MAP3K4: variants seen among roughly 807,000 people sequenced by gnomAD.
The protein encoded by MAP3K4 is MAP three kinase 1.
A neutral mutation model predicts 185.6 loss-of-function variants in MAP3K4; 67 were observed. That is an observed-to-expected ratio of 0.36 (90% CI 0.30 to 0.44). The LOEUF (loss-of-function observed/expected upper bound fraction) is 0.44. MAP3K4 is among the 20% of genes least tolerant of loss of function. MAP3K4 has a pLI of 1.00. For synonymous variants in MAP3K4, 702 were observed against 710.4 expected (o/e 0.99, Z 0.19); for missense variants, 1,551 against 1,995.1 (o/e 0.78, Z 4.24).
At chr6:161,083,244 T>A (rs937333656) in intron 6 of MAP3K4, among the ~76,000 whole-genome samples, 1 of 152,220 alleles carries the variant, frequency 6.6e-6, no homozygotes, top group South Asian at 2.1e-4. Flanking sequence ...ACTCCTTAGC[T>A]TTTTTCTCTG....
chr6:161,019,746 C>T (rs529730990), intron 1 of MAP3K4, among the ~76,000 whole-genome samples: 3 of 152,158 alleles, frequency 2.0e-5, no homozygotes, highest in African/African-American at 7.2e-5. Flanking sequence ...TGTGTTTAGT[C>T]GTAACCTTGA....
At chr6:161,006,848 G>A (rs1198326566) in intron 1 of MAP3K4, among the ~76,000 whole-genome samples, 7 of 151,902 alleles carry the variant, frequency 4.6e-5, no homozygotes, top group African/African-American at 9.7e-5. Context: ...CTCCAGTCCC[G>A]AGATCTGCTT....
Position 161,097,305 on chromosome 6 carries a change from T to C in MAP3K4, c.3524+129T>C. 4.4e-6 allele frequency: 3 copies of C among 688,146 alleles called. No individual in the cohort carries two copies. The highest frequency in any genetic ancestry group is 1.8e-5 in the African/African-American group (1 of 56,120). The allele number at this position is 688,146 out of a possible 1,614,324, so 42.6% of individuals were successfully genotyped here. A position where few individuals can be genotyped will look rare whatever the true frequency, so the allele number is the denominator to read the frequency against. On this transcript the variant is annotated intron_variant, in intron 16 of 26. Transcript: ENST00000392142. This position sits in a 1 kb window ranked among gnomAD's most constrained non-coding sequence, Gnocchi z 4.9. ...TTCTGCATTGTTCGTACGTAAAAGC[T>C]CTTACTTGCATTATCTTGAAACCTT... is the stretch of plus-strand genomic sequence containing the variant.
Position 161,093,886 on chromosome 6 carries a change from A to G in MAP3K4, c.3427+35A>G. On this transcript the variant is annotated intron_variant, in intron 15 of 26. Transcript: ENST00000392142. The surrounding 1 kb of genome is among the most constrained non-coding windows in gnomAD (Gnocchi z 5.2). ...CCGTTAACAGCATTTCTTCTGGAAC[A>G]TAATGATTTGAGTGGACAGATCCTC... The G allele has an allele frequency of 4.1e-6, 6 of 1,479,790 alleles. No homozygotes were observed. The highest frequency in any genetic ancestry group is 5.6e-6 in the Non-Finnish European group (6 of 1,062,130). 91.7% of individuals were successfully genotyped at this position (1,479,790 alleles called of 1,614,324 possible).
In MAP3K4 at chr6:161,051,092, G is replaced by A. The variant is rs995785377; in HGVS notation, c.1707+1113G>A. ...GGTTGTTAATACTGTATAGTTTGGGGAATAATGGCAAGAAAAAAGTTTGTA... is the reference window on the plus strand; with the variant it reads ...GGTTGTTAATACTGTATAGTTTGGGAAATAATGGCAAGAAAAAAGTTTGTA... On this transcript the variant is annotated intron_variant, in intron 3 of 26. Coordinates refer to ENST00000392142, the MANE Select transcript of MAP3K4 (RefSeq NM_005922.4). This position sits in a 1 kb window ranked among gnomAD's most constrained non-coding sequence, Gnocchi z 4.2. 6.6e-6 allele frequency among the ~76,000 whole-genome samples: 1 copy of A among 152,190 alleles called. No homozygotes were observed. Among genetic ancestry groups the A allele is most frequent in the Non-Finnish European group, 1.5e-5 (1 of 68,042 alleles).
In MAP3K4 at chr6:161,043,294, C is replaced by T. The variant is rs1783571616; in HGVS notation, c.344-5322C>T. Among the ~76,000 whole-genome samples the T allele has an allele frequency of 6.6e-6, 1 of 152,190 alleles. No individual in the cohort carries two copies. The highest frequency in any genetic ancestry group is 2.1e-4 in the South Asian group (1 of 4,826). On this transcript the variant is annotated intron_variant, in intron 2 of 26. Coordinates refer to ENST00000392142, the MANE Select transcript of MAP3K4 (RefSeq NM_005922.4). This position sits in a 1 kb window ranked among gnomAD's most constrained non-coding sequence, Gnocchi z 4.3. ...TTGCTGCCCTTGTGTCTCTTCTTTG[C>T]TGGCTTCAGATATGCTCTTGCCTTC...
intron 23 of MAP3K4, among the ~76,000 whole-genome samples, chr6:161,111,460 G>A (rs530398752): frequency 6.6e-6 from 1 of 152,202 alleles, no homozygotes; most frequent in Non-Finnish European, 1.5e-5. Flanking sequence ...TCTACATGTC[G>A]CTTCCTGTTT....
Position 161,097,816 on chromosome 6 carries a change from G to A in MAP3K4, c.3525-462G>A, listed in dbSNP as rs1315464317. On this transcript the variant is annotated intron_variant, in intron 16 of 26. Transcript: ENST00000392142. The surrounding 1 kb of genome is among the most constrained non-coding windows in gnomAD (Gnocchi z 4.9). ...TAAAGCTTTGAGGGGACCGGGGTGC[G>A]GTGACTCACGCCTGTAATTCCAGCA... 6.6e-6 allele frequency among the ~76,000 whole-genome samples: 1 copy of A among 151,782 alleles called. No homozygotes were observed. Among genetic ancestry groups the A allele is most frequent in the East Asian group, 1.9e-4 (1 of 5,166 alleles).
At chr6:161,035,003 G>A (rs1783098507) in intron 2 of MAP3K4, among the ~76,000 whole-genome samples, 1 of 152,136 alleles carries the variant, frequency 6.6e-6, no homozygotes. Flanking sequence ...GGATCGTAAA[G>A]TCCACATATT....
Position 161,117,164 on chromosome 6 carries a change from C to A in MAP3K4, c.*294C>A, listed in dbSNP as rs536268890. On this transcript the variant is annotated 3_prime_UTR_variant, in exon 27 of 27. Coordinates refer to ENST00000392142, the MANE Select transcript of MAP3K4 (RefSeq NM_005922.4). ...CTCGCGCGACTGAGAACCGTGACAT[C>A]AGCGTAGTGTTTTGACCTTTCTAGG... 2.5e-4 allele frequency: 99 copies of A among 390,582 alleles called. No individual in the cohort carries two copies. The highest frequency in any genetic ancestry group is 4.3e-4 in the Non-Finnish European group (93 of 216,942). The allele number at this position is 390,582 out of a possible 1,614,324, so 24.2% of individuals were successfully genotyped here.
rs1383406647 is a variant in MAP3K4, at chr6:161,007,731, A to G, written c.152+15648A>G. 6.6e-6 allele frequency among the ~76,000 whole-genome samples: 1 copy of G among 152,208 alleles called. No individual in the cohort carries two copies. Among genetic ancestry groups the G allele is most frequent in the Non-Finnish European group, 1.5e-5 (1 of 68,032 alleles). ...CTGCTCTTTAATAGGCTTTGTTTCT[A>G]GTAAGGTCATGCTTATTTAACTTAT... On this transcript the variant is annotated intron_variant, in intron 1 of 26. Transcript: ENST00000392142. The surrounding 1 kb of genome is among the most constrained non-coding windows in gnomAD (Gnocchi z 4.5).
chr6:161,092,628 G>A (rs1242186132), intron 13 of MAP3K4, among the ~76,000 whole-genome samples: 1 of 152,142 alleles, frequency 6.6e-6, no homozygotes, highest in Non-Finnish European at 1.5e-5. Flanking sequence ...ATTTCTCCAA[G>A]TTAGAGAAAA....
In MAP3K4 at chr6:161,049,118, C is replaced by T; in HGVS notation, c.846C>T (p.Phe282=). The T allele has an allele frequency of 6.2e-7, 1 of 1,614,126 alleles. No homozygotes were observed. The highest frequency in any genetic ancestry group is 1.7e-5 in the Admixed American group (1 of 60,020). The change falls in exon 3 of 27, where the codon TTC becomes TTT. Residue 282 remains phenylalanine (F), a synonymous_variant. Coordinates refer to ENST00000392142, the MANE Select transcript of MAP3K4 (RefSeq NM_005922.4). This position sits in a 1 kb window ranked among gnomAD's most constrained non-coding sequence, Gnocchi z 8.4. ...GACGGACAATTAACGACCAGGACTT[C>T]TTTTTATATACAGCCCGTCAAGCCA... ...HAGRTINDQD[F]FLYTARQAIP... is the part of the protein sequence containing the mutation.
At chr6:161,013,659 A>G (rs1349341318) in intron 1 of MAP3K4, among the ~76,000 whole-genome samples, 1 of 152,226 alleles carries the variant, frequency 6.6e-6, no homozygotes, top group Non-Finnish European at 1.5e-5. Context: ...TGAAGAGGCA[A>G]CGTTACATCT....
Position 161,073,724 on chromosome 6 carries a change from C to A in MAP3K4, c.2097+112C>A. On this transcript the variant is annotated intron_variant, in intron 5 of 26. Transcript: ENST00000392142. The surrounding 1 kb of genome is among the most constrained non-coding windows in gnomAD (Gnocchi z 4.2). The stretch of plus-strand genomic sequence containing the variant: ...GCGTTGGCATACATATTCAGATAAA[C>A]TTCTCTAGTAATGAATTATAGAAAT... 1 of 1,079,078 alleles carries A rather than the reference C, an allele frequency of 9.3e-7. No individual in the cohort carries two copies. Among genetic ancestry groups the A allele is most frequent in the Non-Finnish European group, 1.3e-6 (1 of 767,528 alleles). 66.8% of individuals were successfully genotyped at this position (1,079,078 alleles called of 1,614,324 possible).
intron 3 of MAP3K4, 39 bp downstream of exon 3, chr6:161,050,018 G>T: frequency 6.6e-7 from 1 of 1,513,432 alleles, no homozygotes; most frequent in Non-Finnish European, 8.9e-7. Context: ...GATATCCTTA[G>T]TTCCATTTAT....
Position 161,097,055 on chromosome 6 carries a change from C to T in MAP3K4, c.3428-25C>T. Reference sequence around the variant, plus strand: ...TTCTGTGGACCATATTAACAAGTTGCATTTGTTGCCATTTTTGCTGGCAGC... The same window carrying T: ...TTCTGTGGACCATATTAACAAGTTGTATTTGTTGCCATTTTTGCTGGCAGC... On this transcript the variant is annotated intron_variant, in intron 15 of 26. Coordinates refer to ENST00000392142, the MANE Select transcript of MAP3K4 (RefSeq NM_005922.4). The surrounding 1 kb of genome is among the most constrained non-coding windows in gnomAD (Gnocchi z 4.9). The T allele has an allele frequency of 6.3e-7, 1 of 1,590,848 alleles. No individual in the cohort carries two copies. The highest frequency in any genetic ancestry group is 8.6e-7 in the Non-Finnish European group (1 of 1,159,018).
At chr6:161,032,190 A>G (rs1210798755) in intron 1 of MAP3K4, among the ~76,000 whole-genome samples, 1 of 152,200 alleles carries the variant, frequency 6.6e-6, no homozygotes, top group Admixed American at 6.5e-5. Flanking sequence ...CAGAAACCTT[A>G]TAATATTGAG....
rs992774873 is a variant in MAP3K4, at chr6:161,100,633, C to T, written c.3675-1259C>T. ...CCCGACATCCCCCACCAGAGCTAGT[C>T]GTTCAACATTCCCCAATATGCCACT... On this transcript the variant is annotated intron_variant, in intron 17 of 26. Coordinates refer to ENST00000392142, the MANE Select transcript of MAP3K4 (RefSeq NM_005922.4). The surrounding 1 kb of genome is among the most constrained non-coding windows in gnomAD (Gnocchi z 5.8). 3.3e-5 allele frequency among the ~76,000 whole-genome samples: 5 copies of T among 152,116 alleles called. No homozygotes were observed. Among genetic ancestry groups the T allele is most frequent in the African/African-American group, 9.7e-5 (4 of 41,420 alleles).
Sources: gnomAD v4.1 joint callset for allele counts (sites outside exome capture counted in the v4.1 genomes callset) on GRCh38, gnomAD v4.1.1 for gene constraint, Gnocchi (gnomAD v3.1) non-coding constraint, MANE v1.5 for transcripts, NCBI Gene and HGNC (gene_info 2026-07-23, HGNC 2026-07-21) for gene names.